The following HIVEP1 variants were observed in gnomAD, a reference collection of about 807,000 sequenced individuals.
The protein encoded by HIVEP1 is zinc finger protein 40.
Under a neutral mutation model 180.0 loss-of-function variants are expected in HIVEP1, and 36 were observed. That is an observed-to-expected ratio of 0.20 (90% CI 0.15 to 0.26). The LOEUF is 0.26. Ranked by LOEUF, HIVEP1 falls within the 10% of genes least tolerant of loss-of-function variation. The probability of loss-of-function intolerance (pLI) is 1.00; values close to 1 mark genes in which losing one functional copy is unlikely to be tolerated. For missense variants in HIVEP1, 3,143 were observed against 3,268.7 expected, an observed-to-expected ratio of 0.96 and a Z score of 0.94; for synonymous variants, 1,239 against 1,239.0, an observed-to-expected ratio of 1.00 and a Z score of 0.00.
At chr6:12,018,519 TGAA>T (rs1253368445) in intron 2 of HIVEP1, among the ~76,000 whole-genome samples, 2 of 152,208 alleles carry the variant, frequency 1.3e-5, no homozygotes, top group African/African-American at 4.8e-5. Context: ...AGAATGGAGT[TGAA>T]GAGCTGATAG....
chr6:12,077,942 G>A (rs1021571402), intron 2 of HIVEP1, among the ~76,000 whole-genome samples: 6 of 152,166 alleles, frequency 3.9e-5, no homozygotes, highest in African/African-American at 1.4e-4. Context: ...CACAGAATGC[G>A]ATGGAGTACC....
chr6:12,124,580 T>A lies in HIVEP1; in HGVS notation c.4785T>A (p.Cys1595Ter). ...VISDPVGTDHCVTSATLPTKL... is the reference protein window; with the variant it reads ...VISDPVGTDH ...CAGATCCAGTTGGAACAGATCATTG[T>A]GTGACATCAGCAACATTACCAACCA... The change falls in exon 4 of 9, where the codon TGT (cysteine) becomes TGA (stop). Residue 1595 changes from cysteine to a stop codon, truncating the protein, a stop_gained. Transcript: ENST00000379388. LOFTEE classifies it high-confidence loss of function. The A allele has an allele frequency of 6.2e-7, 1 of 1,614,122 alleles. No homozygotes were observed. Among genetic ancestry groups the A allele is most frequent in the Non-Finnish European group, 8.5e-7 (1 of 1,180,000 alleles).
intron 8 of HIVEP1, among the ~76,000 whole-genome samples, chr6:12,162,457 A>C (rs146410114): frequency 6.6e-6 from 1 of 152,226 alleles, no homozygotes; most frequent in Non-Finnish European, 1.5e-5. Context: ...TCACATTGCT[A>C]CAGCAGCTTG....
rs750813905 is a variant in HIVEP1, at chr6:12,123,466, C to T, written c.3671C>T (p.Ser1224Leu). 2 of 1,614,130 alleles carry T rather than the reference C, an allele frequency of 1.2e-6. No individual in the cohort carries two copies. The highest frequency in any genetic ancestry group is 2.2e-5 in the East Asian group (1 of 44,882). The stretch of plus-strand genomic sequence containing the variant: ...GAACGACATGTGTTAGGACAGCCCT[C>T]AAGACTTGTCCGGCAGCACAACATC... ...PSERHVLGQPSRLVRQHNIQV... is the reference protein window; with the variant it reads ...PSERHVLGQPLRLVRQHNIQV... Residue 1224 changes from serine to leucine, a missense_variant, in exon 4 of 9, where the codon TCA (serine) becomes TTA (leucine). Ser to Leu is a moderately radical substitution (Grantham distance 145). This residue lies in a region of HIVEP1 where 1,357 missense variants were observed against 1,260.5 expected (regional missense o/e 1.08). Transcript: ENST00000379388.
chr6:12,096,567 T>C (rs1349808210), intron 3 of HIVEP1, among the ~76,000 whole-genome samples: 2 of 151,878 alleles, frequency 1.3e-5, no homozygotes, highest in African/African-American at 4.8e-5. Flanking sequence ...TAAAAAAATA[T>C]AATAATATTT....
chr6:12,192,055 T>G, the HIVEP1 span, among the ~76,000 whole-genome samples: 1 of 152,236 alleles, frequency 6.6e-6, no homozygotes, highest in South Asian at 2.1e-4. Context: ...CTGCAACACC[T>G]TCATATCATA....
At chr6:12,041,199 A>C (rs1344491221) in intron 2 of HIVEP1, among the ~76,000 whole-genome samples, 2 of 152,128 alleles carry the variant, frequency 1.3e-5, no homozygotes, top group Non-Finnish European at 2.9e-5. Context: ...AGGCAGGCGG[A>C]TCACAAGGTC....
chr6:12,182,639 G>A, the HIVEP1 span, among the ~76,000 whole-genome samples: 2 of 152,190 alleles, frequency 1.3e-5, no homozygotes, highest in African/African-American at 4.8e-5. Flanking sequence ...GCCAGAGTAC[G>A]TGGGTTCTTC....
chr6:12,078,342 C>T (rs1772512921), intron 2 of HIVEP1, among the ~76,000 whole-genome samples: 1 of 152,026 alleles, frequency 6.6e-6, no homozygotes, highest in Non-Finnish European at 1.5e-5. Flanking sequence ...TGCTCAGATC[C>T]TCTGCCCCAG....
intron 3 of HIVEP1, among the ~76,000 whole-genome samples, chr6:12,108,957 C>A (rs1774690478): frequency 6.6e-6 from 1 of 152,134 alleles, no homozygotes; most frequent in Non-Finnish European, 1.5e-5. Context: ...CCTCTCATTG[C>A]CATTTCTTTT....
At chr6:12,068,963 A>G (rs983486225) in intron 2 of HIVEP1, among the ~76,000 whole-genome samples, 20 of 152,242 alleles carry the variant, frequency 1.3e-4, no homozygotes, top group African/African-American at 4.8e-4. Context: ...TTTCCCCAGA[A>G]ATGCAGCTAT....
At chr6:12,011,440 C>T (rs1429430811), upstream of HIVEP1, among the ~76,000 whole-genome samples, 1 of 151,712 alleles carries the variant, frequency 6.6e-6, no homozygotes, top group Non-Finnish European at 1.5e-5. Flanking sequence ...CAACCGCCCC[C>T]AACTGAGCGA....
At chr6:12,108,577 T>C (rs1004599109) in intron 3 of HIVEP1, among the ~76,000 whole-genome samples, 1 of 152,176 alleles carries the variant, frequency 6.6e-6, no homozygotes, top group Non-Finnish European at 1.5e-5. Flanking sequence ...AGCGCAGCGC[T>C]GGTGGGCTGG....
At chr6:12,102,119 G>A (rs1426723674) in intron 3 of HIVEP1, among the ~76,000 whole-genome samples, 2 of 152,080 alleles carry the variant, frequency 1.3e-5, no homozygotes, top group African/African-American at 4.8e-5. Flanking sequence ...TGATAAAAAT[G>A]AAGGGAGAAA....
chr6:12,158,463 C>A (rs186850579), intron 7 of HIVEP1, among the ~76,000 whole-genome samples: 26 of 152,286 alleles, frequency 1.7e-4, no homozygotes, highest in African/African-American at 6.3e-4. Context: ...CAGAAAGGGT[C>A]TCTCTGCACA....
chr6:12,120,278 A>G lies in HIVEP1; in HGVS notation c.483A>G (p.Glu161=). 6.2e-7 allele frequency: 1 copy of G among 1,614,190 alleles called. No homozygotes were observed. Among genetic ancestry groups the G allele is most frequent in the Non-Finnish European group, 8.5e-7 (1 of 1,180,026 alleles). ...ADPAKFSDLD[E]QCDSSSLSSK... ...CTGCCAAATTCAGTGACCTCGATGAACAATGTGACTCAAGTTCCTTGTCAA... is the reference window on the plus strand; with the variant it reads ...CTGCCAAATTCAGTGACCTCGATGAGCAATGTGACTCAAGTTCCTTGTCAA... Residue 161 remains glutamate (E), a synonymous_variant, in exon 4 of 9, where the codon GAA becomes GAG. Transcript: ENST00000379388.
intron 2 of HIVEP1, among the ~76,000 whole-genome samples, chr6:12,087,167 AGGTAACTTAGTT>A (rs1220508934): frequency 6.6e-6 from 1 of 152,162 alleles, no homozygotes; most frequent in Non-Finnish European, 1.5e-5. Flanking sequence ...CAAGATAAAA[AGGTAACTTAGTT>A]GAAAATTTTA....
At chr6:12,108,430 G>A (rs1218028503) in intron 3 of HIVEP1, among the ~76,000 whole-genome samples, 1 of 152,242 alleles carries the variant, frequency 6.6e-6, no homozygotes, top group Non-Finnish European at 1.5e-5. Context: ...TGGGCGCCAT[G>A]GAGCAGGGGG....
At chr6:12,009,402 G>A (rs1442131049), upstream of HIVEP1, among the ~76,000 whole-genome samples, 4 of 152,210 alleles carry the variant, frequency 2.6e-5, no homozygotes, top group Admixed American at 2.0e-4. Flanking sequence ...TCCCCAAGGG[G>A]GGCTCCAGAA....
Sources: gnomAD v4.1 joint callset for allele counts (sites outside exome capture counted in the v4.1 genomes callset) on GRCh38, gnomAD v4.1.1 for gene constraint, gnomAD v4.1.1 regional missense constraint, MANE v1.5 for transcripts, NCBI Gene and HGNC (gene_info 2026-07-23, HGNC 2026-07-21) for gene names.